The following MYO3B variants were observed in gnomAD, a reference collection of about 807,000 sequenced individuals.
The protein encoded by MYO3B is myosin-IIIb.
Under a neutral mutation model 174.6 loss-of-function variants are expected in MYO3B, and 156 were observed. The observed-to-expected ratio is 0.89, with a 90% CI of 0.78 to 1.02. MYO3B has a LOEUF of 1.02. MYO3B is among the 50% of genes least tolerant of loss of function. MYO3B has a pLI of 0.00. For missense variants in MYO3B, 1,632 were observed against 1,639.4 expected, an observed-to-expected ratio of 1.00 and a Z score of 0.08; for synonymous variants, 563 against 569.1, an observed-to-expected ratio of 0.99 and a Z score of 0.15.
intron 23 of MYO3B, among the ~76,000 whole-genome samples, chr2:170,451,859 A>G (rs1683610909): frequency 1.3e-5 from 2 of 152,216 alleles, no homozygotes; most frequent in Non-Finnish European, 2.9e-5. Flanking sequence ...CAGATCCCCA[A>G]AATTAAGGGT....
chr2:170,236,256 A>T, intron 7 of MYO3B, 120 bp downstream of exon 7: 20 of 1,238,014 alleles, frequency 1.6e-5, no homozygotes, highest in Middle Eastern at 2.0e-4. Flanking sequence ...ATTGTGAAAT[A>T]TATTTTCTTT....
At chr2:170,596,604 A>G (rs1694164218) in intron 32 of MYO3B, among the ~76,000 whole-genome samples, 1 of 152,242 alleles carries the variant, frequency 6.6e-6, no homozygotes, top group Admixed American at 6.5e-5. Context: ...TGAGGTTTAT[A>G]GGGGGAAGAA....
rs556125830 is a variant in MYO3B at position 170,534,178 on chromosome 2, A to G, written c.3576-8728A>G. Among the ~76,000 whole-genome samples, 11 of 152,330 alleles carry G rather than the reference A, an allele frequency of 7.2e-5. No individual in the cohort carries two copies. The Middle Eastern group carries it at 0.01, about 141-fold the overall frequency. ...GCAAGTCTGTTTTTGCCATTTCTCTAACAGCATGTGCTTACTTCATGTCTC... is the reference window on the plus strand; with the variant it reads ...GCAAGTCTGTTTTTGCCATTTCTCTGACAGCATGTGCTTACTTCATGTCTC... On this transcript the variant is annotated intron_variant, in intron 30 of 34. Transcript: ENST00000408978.
intron 32 of MYO3B, among the ~76,000 whole-genome samples, chr2:170,637,374 T>C (rs1444514223): frequency 6.6e-6 from 1 of 152,050 alleles, no homozygotes; most frequent in Non-Finnish European, 1.5e-5. Flanking sequence ...GGTTTTGCTA[T>C]GTTGGACAGG....
chr2:170,628,534 A>G (rs1041964620), intron 32 of MYO3B, among the ~76,000 whole-genome samples: 1 of 152,166 alleles, frequency 6.6e-6, no homozygotes, highest in Admixed American at 6.5e-5. Flanking sequence ...GCTCACGCTC[A>G]GTGCGCTGCA....
At chr2:170,578,608 C>T (rs1042982188) in intron 32 of MYO3B, among the ~76,000 whole-genome samples, 1 of 152,094 alleles carries the variant, frequency 6.6e-6, no homozygotes, top group South Asian at 2.1e-4. Flanking sequence ...ATAATCTGTG[C>T]GTTGTTAAAA....
intron 12 of MYO3B, among the ~76,000 whole-genome samples, chr2:170,384,625 T>TTC (rs1399846675): frequency 6.6e-6 from 1 of 152,190 alleles, no homozygotes; most frequent in Non-Finnish European, 1.5e-5. Flanking sequence ...CTCTTCCAAA[T>TTC]TCTTACCTTT....
At chr2:170,417,908 GACACAATT>G (rs149920868) in intron 22 of MYO3B, among the ~76,000 whole-genome samples, 9,218 of 152,210 alleles carry the variant, frequency 0.061, 312 homozygotes, top group South Asian at 0.084. Context: ...ATTTTTTAGG[GACACAATT>G]ACACAATTCA....
chr2:170,245,029 G>T (rs1307589488), intron 7 of MYO3B, among the ~76,000 whole-genome samples: 3 of 152,188 alleles, frequency 2.0e-5, no homozygotes, highest in South Asian at 2.1e-4. Context: ...CTGGCTGGGG[G>T]ATAATCGTGT....
chr2:170,234,186 AACAAAACAAAAC>A (rs1380400386), intron 6 of MYO3B, among the ~76,000 whole-genome samples: 4,828 of 40,024 alleles, frequency 0.12, 601 homozygotes, highest in Non-Finnish European at 0.15. Context: ...AAAAAAAAAA[AACAAAACAAAAC>A]AAAAAAAAAA....
chr2:170,313,376 TA>T (rs890192801), intron 7 of MYO3B, among the ~76,000 whole-genome samples: 5 of 151,800 alleles, frequency 3.3e-5, no homozygotes, highest in African/African-American at 1.2e-4. Context: ...ATATACATAC[TA>T]AAAAAAATAA....
intron 32 of MYO3B, among the ~76,000 whole-genome samples, chr2:170,552,666 C>A (rs750883321): frequency 1.3e-5 from 2 of 152,174 alleles, no homozygotes; most frequent in Admixed American, 1.3e-4. Flanking sequence ...AAGAAAAACA[C>A]ATTTTCTGTG....
At chr2:170,474,743 C>CAAAAAAAAAAAAAAAAAAAAAAAAAAA (rs55913448) in intron 25 of MYO3B, among the ~76,000 whole-genome samples, 1 of 37,580 alleles carries the variant, frequency 2.7e-5, no homozygotes. Context: ...AACTCCGTCT[C>CAAAAAAAAAAAAAAAAAAAAAAAAAAA]AAAAAAAAAA....
intron 8 of MYO3B, among the ~76,000 whole-genome samples, chr2:170,342,985 CTTTA>C (rs2093987602): frequency 6.6e-6 from 1 of 151,786 alleles, no homozygotes; most frequent in Admixed American, 6.6e-5. Context: ...TCCACTGTCT[CTTTA>C]TTTAGACTTC....
At chr2:170,470,478 A>G (rs926031042) in intron 25 of MYO3B, among the ~76,000 whole-genome samples, 1 of 152,202 alleles carries the variant, frequency 6.6e-6, no homozygotes, top group African/African-American at 2.4e-5. Context: ...GCATGAATAT[A>G]TCATGTTTTG....
At chr2:170,651,235 T>TATCC (rs1698991471) in intron 32 of MYO3B, among the ~76,000 whole-genome samples, 4 of 152,218 alleles carry the variant, frequency 2.6e-5, no homozygotes, top group Non-Finnish European at 4.4e-5. Flanking sequence ...CCAGATGTTT[T>TATCC]TGAACTCTCA....
chr2:170,377,578 C>T (rs181292779), intron 9 of MYO3B, among the ~76,000 whole-genome samples: 42 of 152,242 alleles, frequency 2.8e-4, no homozygotes, highest in East Asian at 9.7e-4. Flanking sequence ...ACCTAAGGCC[C>T]GTCCTGCTCT....
intron 30 of MYO3B, among the ~76,000 whole-genome samples, chr2:170,538,156 A>G (rs1689851573): frequency 6.6e-6 from 1 of 152,204 alleles, no homozygotes; most frequent in African/African-American, 2.4e-5. Context: ...AAATAGAAAA[A>G]GCCAGTTACT....
chr2:170,404,752 A>C (rs2094499967), intron 20 of MYO3B, among the ~76,000 whole-genome samples: 1 of 150,614 alleles, frequency 6.6e-6, no homozygotes, highest in African/African-American at 2.4e-5. Flanking sequence ...ACCCCCATCC[A>C]CCTCTAATCT....
Sources: allele counts gnomAD v4.1 joint callset (sites outside exome capture counted in the v4.1 genomes callset), GRCh38; gene constraint gnomAD v4.1.1; transcripts MANE v1.5; gene names NCBI Gene and HGNC (gene_info 2026-07-23, HGNC 2026-07-21).